DTX1: variants seen among roughly 807,000 people sequenced by gnomAD.
The protein encoded by DTX1 is E3 ubiquitin-protein ligase DTX1.
A neutral mutation model predicts 57.8 loss-of-function variants in DTX1; 26 were observed. The observed-to-expected ratio is 0.45, with a 90% CI of 0.33 to 0.62. DTX1 has a LOEUF of 0.62. Among genes scored for constraint, DTX1 ranks in the 20% least tolerant of loss-of-function variants. DTX1 has a pLI of 0.02. For missense variants in DTX1, 704 were observed against 895.3 expected (o/e 0.79, Z 2.73); for synonymous variants, 398 against 394.1 (o/e 1.01, Z -0.12).
chr12:113,078,131 G>A, intron 3 of DTX1, 26 bp downstream of exon 3: 1 of 1,331,458 alleles, frequency 7.5e-7, no homozygotes, highest in Non-Finnish European at 9.6e-7. Flanking sequence ...GGGGGAGGGG[G>A]CCTCTGCGTC....
chr12:113,075,817 T>TA lies in DTX1; in HGVS notation c.260-1597dup, dbSNP rs953145479. Among the ~76,000 whole-genome samples, 798 of 148,498 alleles carry TA rather than the reference T, an allele frequency of 5.4e-3. 9 individuals carry two copies. Among genetic ancestry groups the TA allele is most frequent in the African/African-American group, 0.018 (710 of 40,526 alleles). ...GGATGAGCACAAAGTGTGAATGAAT[T>TA]AAAAAAAAAAGAATCCATTTGTGAC... On this transcript the variant is annotated intron_variant, in intron 2 of 9. Coordinates refer to ENST00000548759, the MANE Select transcript of DTX1 (RefSeq NM_004416.3).
intron 3 of DTX1, chr12:113,089,970 T>C (rs1950234379): frequency 6.6e-6 from 1 of 152,206 alleles, no homozygotes; most frequent in Admixed American, 6.5e-5. Context: ...AAACTGGCTA[T>C]ACTGATTGAT....
Position 113,097,290 on chromosome 12 carries a change from A to C in DTX1, c.*351A>C. ...AGGCTGGAAGAGAAGAGACAGAAAGACCCCATGACCCCCCCATGTGGATCC... is the reference window on the plus strand; with the variant it reads ...AGGCTGGAAGAGAAGAGACAGAAAGCCCCCATGACCCCCCCATGTGGATCC... On this transcript the variant is annotated 3_prime_UTR_variant, in exon 10 of 10. Coordinates refer to ENST00000548759, the MANE Select transcript of DTX1 (RefSeq NM_004416.3). The C allele has an allele frequency of 1.7e-5, 4 of 239,208 alleles. No homozygotes were observed. The highest frequency in any genetic ancestry group is 7.9e-5 in the South Asian group (1 of 12,598). 14.8% of individuals were successfully genotyped at this position (239,208 alleles called of 1,614,324 possible).
chr12:113,093,535 C>G lies in DTX1; in HGVS notation c.1004-4C>G, dbSNP rs1950262410. 6.2e-7 allele frequency: 1 copy of G among 1,603,080 alleles called. No homozygotes were observed. The highest frequency in any genetic ancestry group is 1.1e-5 in the South Asian group (1 of 90,156). ...GCCCTGTGACTGCGCCCCCTAACCC[C>G]CAGGGATGACCGGGATACTGCTGTG... On this transcript the variant is annotated splice_polypyrimidine_tract_variant and splice_region_variant and intron_variant, in intron 4 of 9. Coordinates refer to ENST00000548759, the MANE Select transcript of DTX1 (RefSeq NM_004416.3). This position sits in a 1 kb window ranked among gnomAD's most constrained non-coding sequence, Gnocchi z 4.2.
chr12:113,092,326 T>TA (rs11372823), intron 3 of DTX1, among the ~76,000 whole-genome samples: 101,429 of 145,546 alleles, frequency 0.7, 35,771 homozygotes, highest in African/African-American at 0.84. Context: ...CACAGCAGAT[T>TA]AAAAAAAAAA....
chr12:113,081,868 G>A (rs2044820564), intron 3 of DTX1, among the ~76,000 whole-genome samples: 1 of 152,160 alleles, frequency 6.6e-6, no homozygotes, highest in South Asian at 2.1e-4. Flanking sequence ...GGAACAGTGG[G>A]GGCTGAGATT....
In DTX1 at chr12:113,093,394, C is replaced by A; in HGVS notation, c.1004-145C>A. ...GGGCGTGGCCCGCAGAAAGGCCCTT[C>A]AGGGGCCTTCAAGGGGCTGAGTGGG... On this transcript the variant is annotated intron_variant, in intron 4 of 9. Coordinates refer to ENST00000548759, the MANE Select transcript of DTX1 (RefSeq NM_004416.3). The surrounding 1 kb of genome is among the most constrained non-coding windows in gnomAD (Gnocchi z 4.2). 7.5e-7 allele frequency: 1 copy of A among 1,338,894 alleles called. No individual in the cohort carries two copies. The highest frequency in any genetic ancestry group is 9.9e-7 in the Non-Finnish European group (1 of 1,005,760). The allele number at this position is 1,338,894 out of a possible 1,614,324, so 82.9% of individuals were successfully genotyped here.
intron 2 of DTX1, among the ~76,000 whole-genome samples, chr12:113,058,898 T>C (rs1566011965): frequency 6.6e-6 from 1 of 152,160 alleles, no homozygotes; most frequent in African/African-American, 2.4e-5. Context: ...ATTTTATAGA[T>C]GAAGAAACCG....
intron 9 of DTX1, 130 bp from the exon 10 acceptor site, chr12:113,096,585 C>A (rs1025995282): frequency 1.3e-6 from 1 of 757,410 alleles, no homozygotes; most frequent in Non-Finnish European, 2.1e-6. Flanking sequence ...GCCAGCAGTA[C>A]GTAGTTGGTG....
At position 113,093,750 on chromosome 12, in the gene DTX1, G is replaced by T; in HGVS notation, c.1165+50G>T. The T allele has an allele frequency of 1.2e-6, 2 of 1,600,056 alleles. No homozygotes were observed. The highest frequency in any genetic ancestry group is 2.2e-5 in the South Asian group (2 of 89,754). On this transcript the variant is annotated intron_variant, in intron 5 of 9. Transcript: ENST00000548759. The surrounding 1 kb of genome is among the most constrained non-coding windows in gnomAD (Gnocchi z 4.2). ...CACGAGATGAACCCCACTAAGCCTT[G>T]ACCACAACTCTGTGACCCCTGGTCT...
intron 3 of DTX1, among the ~76,000 whole-genome samples, chr12:113,090,670 T>G (rs1170732880): frequency 6.6e-6 from 1 of 152,140 alleles, no homozygotes; most frequent in Non-Finnish European, 1.5e-5. Context: ...AGGGGCTCAA[T>G]CCAGATGTCT....
At chr12:113,096,351 G>C (rs1428906325) in intron 9 of DTX1, among the ~76,000 whole-genome samples, 1 of 149,332 alleles carries the variant, frequency 6.7e-6, no homozygotes, top group Admixed American at 6.7e-5. Flanking sequence ...GATGTGGGAC[G>C]ATTGTTGGAG....
At chr12:113,080,130 C>T (rs904641818) in intron 3 of DTX1, among the ~76,000 whole-genome samples, 3 of 152,194 alleles carry the variant, frequency 2.0e-5, no homozygotes, top group Non-Finnish European at 2.9e-5. Context: ...GGTCATTCCT[C>T]TCGGAGGAGA....
At chr12:113,079,534 T>G (rs1370110773) in intron 3 of DTX1, among the ~76,000 whole-genome samples, 1 of 143,898 alleles carries the variant, frequency 6.9e-6, no homozygotes, top group African/African-American at 2.6e-5. Flanking sequence ...TTTTTTTTTT[T>G]TTTTTTTTTT....
intron 2 of DTX1, among the ~76,000 whole-genome samples, chr12:113,070,627 C>T (rs1395046411): frequency 6.6e-6 from 1 of 152,230 alleles, no homozygotes; most frequent in African/African-American, 2.4e-5. Context: ...ATACCCACCT[C>T]TAGGCAGTGG....
At chr12:113,061,202 G>T (rs757328959) in intron 2 of DTX1, among the ~76,000 whole-genome samples, 5 of 152,006 alleles carry the variant, frequency 3.3e-5, no homozygotes, top group Non-Finnish European at 5.9e-5. Context: ...CCTGTTTGCC[G>T]GAAAAGGGAA....
chr12:113,079,515 CTTTTTTTTTTTTTTTTTT>C (rs3038193), intron 3 of DTX1, among the ~76,000 whole-genome samples: 1 of 77,174 alleles, frequency 1.3e-5, no homozygotes, highest in Non-Finnish European at 2.3e-5. Flanking sequence ...GGCCACTTCT[CTTTTTTTTTTTTTTTTTT>C]TTTTTTTTTT....
intron 9 of DTX1, 118 bp from the exon 10 acceptor site, chr12:113,096,596 CT>C (rs969029169): frequency 5.6e-6 from 5 of 886,520 alleles, no homozygotes; most frequent in Middle Eastern, 2.5e-4. Context: ...GTAGTTGGTG[CT>C]AATGGACGAA....
chr12:113,091,395 T>C (rs1047804284), intron 3 of DTX1, among the ~76,000 whole-genome samples: 2 of 131,698 alleles, frequency 1.5e-5, no homozygotes, highest in Non-Finnish European at 3.6e-5. Context: ...GTGCGGTATG[T>C]TCCCCAAGTA....
Sources: allele counts gnomAD v4.1 joint callset (sites outside exome capture counted in the v4.1 genomes callset), GRCh38; gene constraint gnomAD v4.1.1; non-coding constraint Gnocchi (gnomAD v3.1); transcripts MANE v1.5; gene names NCBI Gene and HGNC (gene_info 2026-07-23, HGNC 2026-07-21).